Variants in GABRG3 observed in about 807,000 individuals in gnomAD.
The protein encoded by GABRG3 is gamma-aminobutyric acid type A receptor subunit gamma3.
GABRG3 carries 25 observed loss-of-function variants against 48.8 expected under a neutral mutation model. The observed-to-expected ratio is 0.51, with a 90% CI of 0.37 to 0.72. The LOEUF is 0.72. GABRG3 is among the 30% of genes least tolerant of loss of function. The probability of loss-of-function intolerance (pLI) is 0.00; values close to 1 mark genes in which losing one functional copy is unlikely to be tolerated. For synonymous variants in GABRG3, 227 were observed against 217.6 expected (o/e 1.04, Z -0.38); for missense variants, 394 against 577.9 (o/e 0.68, Z 3.26).
At chr15:27,421,221 C>T (rs1053301553) in intron 5 of GABRG3, among the ~76,000 whole-genome samples, 16 of 152,176 alleles carry the variant, frequency 1.1e-4, no homozygotes, top group African/African-American at 3.9e-4. Flanking sequence ...AAGGCCCACA[C>T]ATTGAATTAG....
At chr15:27,061,950 A>G (rs1896654205) in intron 3 of GABRG3, among the ~76,000 whole-genome samples, 2 of 152,134 alleles carry the variant, frequency 1.3e-5, no homozygotes, top group South Asian at 4.1e-4. Flanking sequence ...TCCTATGACT[A>G]ACAGATGCTT....
At chr15:27,501,237 CA>C (rs1317786184) in intron 6 of GABRG3, among the ~76,000 whole-genome samples, 1 of 152,164 alleles carries the variant, frequency 6.6e-6, no homozygotes, top group Non-Finnish European at 1.5e-5. Flanking sequence ...AGGCGTGAGC[CA>C]CCGTGCCCGG....
intron 5 of GABRG3, among the ~76,000 whole-genome samples, chr15:27,354,969 CT>C (rs1566802692): frequency 6.6e-6 from 1 of 152,182 alleles, no homozygotes; most frequent in African/African-American, 2.4e-5. Flanking sequence ...TATGTGCTTT[CT>C]GGTTCTAATC....
intron 3 of GABRG3, among the ~76,000 whole-genome samples, chr15:27,224,659 C>T (rs62001275): frequency 2.0e-5 from 3 of 152,146 alleles, no homozygotes; most frequent in East Asian, 1.9e-4. Context: ...GCCACAGTCA[C>T]GACTTATGAT....
chr15:27,539,822 G>A lies in GABRG3; in HGVS notation c.*6941G>A, dbSNP rs1334025261. 1 of 152,248 alleles carries A rather than the reference G, an allele frequency of 6.6e-6. No individual in the cohort carries two copies. The highest frequency in any genetic ancestry group is 1.5e-5 in the Non-Finnish European group (1 of 68,030). 9.4% of individuals were successfully genotyped at this position (152,248 alleles called of 1,614,324 possible). On this transcript the variant is annotated 3_prime_UTR_variant, in exon 10 of 10. Coordinates refer to ENST00000615808, the MANE Select transcript of GABRG3 (RefSeq NM_033223.5). ...AGAGAGGAAAAAAAGAAAAAATGTT[G>A]CATTCTTAAGCAATTAAAGACTCCT...
chr15:26,972,867 C>G (rs765594756), intron 1 of GABRG3, among the ~76,000 whole-genome samples: 2 of 152,182 alleles, frequency 1.3e-5, no homozygotes. Flanking sequence ...GAAGCCGACT[C>G]CACCGGTGAC....
intron 3 of GABRG3, among the ~76,000 whole-genome samples, chr15:27,189,818 A>G (rs1335943307): frequency 6.6e-6 from 1 of 152,104 alleles, no homozygotes; most frequent in East Asian, 1.9e-4. Flanking sequence ...TTCAAAGGGA[A>G]TGCTTCCAGT....
At chr15:27,308,692 T>TATAATGTAAACATACGTTTATATGTAAAC (rs1204941265) in intron 3 of GABRG3, among the ~76,000 whole-genome samples, 1 of 149,040 alleles carries the variant, frequency 6.7e-6, no homozygotes, top group Admixed American at 6.7e-5. Flanking sequence ...TGTATAAACA[T>TATAATGTAAACATACGTTTATATGTAAAC]ATAATGTAAA....
At chr15:27,330,480 G>A (rs1013168431) in intron 5 of GABRG3, among the ~76,000 whole-genome samples, 1 of 152,198 alleles carries the variant, frequency 6.6e-6, no homozygotes, top group South Asian at 2.1e-4. Flanking sequence ...CACCATGCAC[G>A]TGTTCTCACT....
intron 3 of GABRG3, among the ~76,000 whole-genome samples, chr15:27,059,737 C>G (rs942333106): frequency 3.9e-5 from 6 of 152,176 alleles, no homozygotes; most frequent in African/African-American, 1.4e-4. Flanking sequence ...GGGCATAGGT[C>G]TGGGTCCTGG....
chr15:27,172,017 C>G lies in GABRG3; in HGVS notation c.270+145196C>G, dbSNP rs376771187. Among the ~76,000 whole-genome samples, 44 of 105,620 alleles carry G rather than the reference C, an allele frequency of 4.2e-4. 1 individual carries two copies. The highest frequency in any genetic ancestry group is 1.8e-3 in the African/African-American group (43 of 23,626). The allele number at this position is 105,620 out of a possible 152,430, so 69.3% of individuals were successfully genotyped here. On this transcript the variant is annotated intron_variant, in intron 3 of 9. Transcript: ENST00000615808. Reference sequence around the variant, plus strand: ...CGAAAGACAGAAAAACGGGGCCAAACTTACTTTAATCAGGAGCTCGCTCTT... The same window carrying G: ...CGAAAGACAGAAAAACGGGGCCAAAGTTACTTTAATCAGGAGCTCGCTCTT...
intron 5 of GABRG3, among the ~76,000 whole-genome samples, chr15:27,425,906 T>G (rs1888277552): frequency 1.3e-5 from 2 of 152,188 alleles, no homozygotes; most frequent in Admixed American, 1.3e-4. Context: ...AGAAAGTGGT[T>G]CACTTTTTGA....
chr15:27,311,378 A>G (rs1045263556), intron 3 of GABRG3, among the ~76,000 whole-genome samples: 4 of 152,130 alleles, frequency 2.6e-5, no homozygotes, highest in Admixed American at 6.5e-5. Flanking sequence ...AAGATGGACT[A>G]TGCATCCAGA....
chr15:27,164,408 A>G (rs748568647), intron 3 of GABRG3, among the ~76,000 whole-genome samples: 16 of 152,196 alleles, frequency 1.1e-4, no homozygotes, highest in Non-Finnish European at 2.1e-4. Context: ...TACTACCCCT[A>G]ATGTTACTGT....
At chr15:26,995,259 A>G (rs547547851) in intron 2 of GABRG3, among the ~76,000 whole-genome samples, 2 of 152,118 alleles carry the variant, frequency 1.3e-5, no homozygotes, top group Admixed American at 6.5e-5. Flanking sequence ...TAATGTTAGT[A>G]TAGCTACTTT....
At position 27,179,085 on chromosome 15, in the gene GABRG3, T is replaced by A. The variant is rs576170139; in HGVS notation, c.271-147724T>A. ...AAAACTTTTCTTTTTGGGGCCTTCA[T>A]TTTGGGTTATAGTTTTCTATCCCCA... On this transcript the variant is annotated intron_variant, in intron 3 of 9. Transcript: ENST00000615808. The surrounding 1 kb of genome is among the most constrained non-coding windows in gnomAD (Gnocchi z 4.0). 6.6e-6 allele frequency among the ~76,000 whole-genome samples: 1 copy of A among 152,308 alleles called. No homozygotes were observed. Among genetic ancestry groups the A allele is most frequent in the Admixed American group, 6.5e-5 (1 of 15,302 alleles).
At chr15:27,166,791 T>C (rs1887389109) in intron 3 of GABRG3, among the ~76,000 whole-genome samples, 1 of 152,198 alleles carries the variant, frequency 6.6e-6, no homozygotes, top group Non-Finnish European at 1.5e-5. Flanking sequence ...AGAAATCCAT[T>C]ATACTGCAGG....
intron 3 of GABRG3, among the ~76,000 whole-genome samples, chr15:27,258,952 G>A (rs1465082585): frequency 6.6e-6 from 1 of 152,094 alleles, no homozygotes; most frequent in Non-Finnish European, 1.5e-5. Flanking sequence ...TCCTACTTCT[G>A]TGAGCTCACA....
intron 5 of GABRG3, among the ~76,000 whole-genome samples, chr15:27,415,220 A>G (rs1484390280): frequency 6.6e-6 from 1 of 151,442 alleles, no homozygotes; most frequent in Admixed American, 6.6e-5. Flanking sequence ...ATTCTGTTCC[A>G]TTATTTCTGT....
Sources: allele counts gnomAD v4.1 joint callset (sites outside exome capture counted in the v4.1 genomes callset), GRCh38; gene constraint gnomAD v4.1.1; non-coding constraint Gnocchi (gnomAD v3.1); transcripts MANE v1.5; gene names NCBI Gene and HGNC (gene_info 2026-07-23, HGNC 2026-07-21).